The following SYN3 variants were observed in gnomAD, a reference collection of about 807,000 sequenced individuals.
SYN3 encodes the protein synapsin III, also known as synapsin-3.
In SYN3, 35 loss-of-function variants were observed where a neutral mutation model predicts 65.8. The ratio of observed to expected loss-of-function variants is 0.53; its 90% confidence interval spans 0.41 to 0.70. The LOEUF (loss-of-function observed/expected upper bound fraction) is 0.70. Among genes scored for constraint, SYN3 ranks in the 30% least tolerant of loss-of-function variants. SYN3 has a pLI of 0.00. For missense variants in SYN3, 680 were observed against 749.0 expected (o/e 0.91, Z 1.08); for synonymous variants, 270 against 292.9 (o/e 0.92, Z 0.80).
intron 6 of SYN3, among the ~76,000 whole-genome samples, chr22:32,641,149 T>A (rs2059892150): frequency 6.6e-6 from 1 of 152,156 alleles, no homozygotes; most frequent in Admixed American, 6.5e-5. Context: ...AGCACGAACG[T>A]CAACAATGGT....
chr22:32,942,389 A>T (rs1446375025), intron 3 of SYN3, among the ~76,000 whole-genome samples: 3 of 152,264 alleles, frequency 2.0e-5, no homozygotes, highest in Non-Finnish European at 4.4e-5. Flanking sequence ...GAGGGTTCTG[A>T]CTGTTAGAAG....
At chr22:33,030,822 CAG>C (rs943467620) in intron 1 of SYN3, among the ~76,000 whole-genome samples, 1 of 151,018 alleles carries the variant, frequency 6.6e-6, no homozygotes, top group Non-Finnish European at 1.5e-5. Context: ...GAAACAGATA[CAG>C]AGAGACAGAG....
intron 6 of SYN3, among the ~76,000 whole-genome samples, chr22:32,784,125 TTC>T (rs1217045793): frequency 5.3e-5 from 8 of 152,334 alleles, no homozygotes; most frequent in Admixed American, 2.0e-4. Context: ...GCTTTTGTCA[TTC>T]TCTCTACTCT....
At chr22:32,761,943 G>C (rs1602085772) in intron 6 of SYN3, among the ~76,000 whole-genome samples, 1 of 152,294 alleles carries the variant, frequency 6.6e-6, no homozygotes, top group East Asian at 1.9e-4. Context: ...GTCCTGCGGG[G>C]CTTGTGAATG....
chr22:32,827,392 A>G (rs982453011), intron 6 of SYN3, among the ~76,000 whole-genome samples: 29 of 152,334 alleles, frequency 1.9e-4, no homozygotes, highest in East Asian at 1.9e-4. Flanking sequence ...CTTGAAATCT[A>G]TACAGGAACA....
chr22:32,976,997 G>GT lies in SYN3; in HGVS notation c.369+3647_369+3648insA, dbSNP rs930930536. Among the ~76,000 whole-genome samples, 473 of 147,812 alleles carry GT rather than the reference G, an allele frequency of 3.2e-3. 2 individuals carry two copies. The highest frequency in any genetic ancestry group is 0.012 in the African/African-American group (440 of 37,536). Reference sequence around the variant, plus strand: ...TAAAGGATGCATGTGAGATTCCTGGGGGGGGGGTTGCTTGTGTGTTCCACC... The same window carrying GT: ...TAAAGGATGCATGTGAGATTCCTGGGTGGGGGGGTTGCTTGTGTGTTCCACC... On this transcript the variant is annotated intron_variant, in intron 3 of 13. Transcript: ENST00000358763.
intron 7 of SYN3, among the ~76,000 whole-genome samples, chr22:32,591,010 T>C (rs1315070005): frequency 6.6e-6 from 1 of 152,234 alleles, no homozygotes; most frequent in Non-Finnish European, 1.5e-5. Context: ...TTTCAGGCAC[T>C]GAGCTATGTG....
At position 33,006,627 on chromosome 22, in the gene SYN3, G is replaced by C; in HGVS notation, c.36C>G (p.Ser12Arg). The change falls in exon 2 of 14, where the codon AGC (serine) becomes AGG (arginine). Residue 12 changes from serine to arginine, a missense_variant. Physicochemically the swap from Ser to Arg is moderately radical, Grantham distance 110 (BLOSUM62 -1). Coordinates refer to ENST00000358763, the MANE Select transcript of SYN3 (RefSeq NM_003490.4). ...NFLRRRLSDS[S>R]FMANLPNGYM... The stretch of plus-strand genomic sequence containing the variant: ...AGCCATTAGGCAGGTTGGCCATGAA[G>C]CTGCTGTCAGAGAGACGTCGCCGGA... 1.2e-6 allele frequency: 2 copies of C among 1,601,822 alleles called. No individual in the cohort carries two copies. Among genetic ancestry groups the C allele is most frequent in the Non-Finnish European group, 1.7e-6 (2 of 1,173,412 alleles).
At chr22:32,921,456 C>T (rs146299464) in intron 4 of SYN3, among the ~76,000 whole-genome samples, 1 of 152,300 alleles carries the variant, frequency 6.6e-6, no homozygotes, top group East Asian at 1.9e-4. Context: ...TCTCTACATA[C>T]TGCTGCTTTC....
intron 6 of SYN3, among the ~76,000 whole-genome samples, chr22:32,787,897 A>G (rs929626499): frequency 2.0e-5 from 3 of 152,000 alleles, no homozygotes; most frequent in African/African-American, 7.3e-5. Context: ...AGGCAGAGGG[A>G]GGGTCAGGGC....
chr22:32,684,393 G>A (rs889976987), intron 6 of SYN3, among the ~76,000 whole-genome samples: 4 of 152,144 alleles, frequency 2.6e-5, no homozygotes, highest in Non-Finnish European at 4.4e-5. Flanking sequence ...GAAGCCATTG[G>A]CCCTGGAATT....
intron 6 of SYN3, among the ~76,000 whole-genome samples, chr22:32,655,217 G>A (rs1424996901): frequency 6.6e-6 from 1 of 152,208 alleles, no homozygotes; most frequent in Non-Finnish European, 1.5e-5. Flanking sequence ...GCTGCATGGT[G>A]ACAGAGCAAG....
chr22:32,627,286 G>A (rs2059681824), intron 6 of SYN3, among the ~76,000 whole-genome samples: 1 of 152,144 alleles, frequency 6.6e-6, no homozygotes, highest in Admixed American at 6.5e-5. Flanking sequence ...TTTTCAAGGA[G>A]GGGCCAGAGT....
At chr22:32,620,823 G>A (rs2059583445) in intron 6 of SYN3, among the ~76,000 whole-genome samples, 1 of 151,980 alleles carries the variant, frequency 6.6e-6, no homozygotes, top group East Asian at 1.9e-4. Flanking sequence ...GGGTTCAAGG[G>A]ATTCTTCTGC....
intron 6 of SYN3, among the ~76,000 whole-genome samples, chr22:32,762,197 C>G (rs2045502072): frequency 6.6e-6 from 1 of 152,220 alleles, no homozygotes; most frequent in Non-Finnish European, 1.5e-5. Flanking sequence ...ATACATCCTT[C>G]CTCAGGGTTA....
intron 12 of SYN3, among the ~76,000 whole-genome samples, chr22:32,522,496 CAGCCAGG>C (rs2057902575): frequency 6.6e-6 from 1 of 152,168 alleles, no homozygotes; most frequent in African/African-American, 2.4e-5. Context: ...GGCAGAGGCA[CAGCCAGG>C]AGCCTGGTAG....
chr22:32,557,926 C>G (rs1424168259), intron 7 of SYN3, among the ~76,000 whole-genome samples: 1 of 152,170 alleles, frequency 6.6e-6, no homozygotes, highest in Non-Finnish European at 1.5e-5. Context: ...TAAGTGTCAC[C>G]AGGTCAGAAG....
intron 7 of SYN3, among the ~76,000 whole-genome samples, chr22:32,576,655 CA>C (rs1319895674): frequency 2.6e-5 from 4 of 152,140 alleles, no homozygotes; most frequent in Admixed American, 6.5e-5. Flanking sequence ...AGTCAGTTCC[CA>C]AATTCATTCA....
chr22:32,582,764 C>T (rs77412199), intron 7 of SYN3, among the ~76,000 whole-genome samples: 2,372 of 151,970 alleles, frequency 0.016, 66 homozygotes, highest in African/African-American at 0.055. Context: ...GCAAGGCTAC[C>T]GAAGAGCTCA....
Sources: allele counts gnomAD v4.1 joint callset (sites outside exome capture counted in the v4.1 genomes callset), GRCh38; gene constraint gnomAD v4.1.1; transcripts MANE v1.5; gene names NCBI Gene and HGNC (gene_info 2026-07-23, HGNC 2026-07-21).